The following EXOC4 variants were observed in gnomAD, a reference collection of about 807,000 sequenced individuals.
The protein encoded by EXOC4 is exocyst complex component 4.
In EXOC4, 71 loss-of-function variants were observed where a neutral mutation model predicts 107.2. The observed-to-expected ratio is 0.66, with a 90% CI of 0.55 to 0.81. The LOEUF (loss-of-function observed/expected upper bound fraction) is 0.81. Among genes scored for constraint, EXOC4 ranks in the 30% least tolerant of loss-of-function variants. EXOC4 has a pLI of 0.00. For missense variants in EXOC4, 1,108 were observed against 1,189.6 expected (o/e 0.93, Z 1.01); for synonymous variants, 456 against 441.2 (o/e 1.03, Z -0.42).
chr7:133,824,185 T>C (rs1361951110), intron 11 of EXOC4, among the ~76,000 whole-genome samples: 1 of 150,960 alleles, frequency 6.6e-6, no homozygotes, highest in East Asian at 2.0e-4. Context: ...TTAAATGGAG[T>C]AATGGGTGTA....
rs1803238088 is a variant in EXOC4, at chr7:133,654,458, T to C, written c.1514+24317T>C. Among the ~76,000 whole-genome samples the C allele has an allele frequency of 2.6e-5, 4 of 152,192 alleles. 1 individual carries two copies. ...AGAATTGTACTTGAAACACAAGTGT[T>C]GTTAAATGATATTGGTACAGGTGGT... On this transcript the variant is annotated intron_variant, in intron 10 of 17. Transcript: ENST00000253861.
At chr7:133,566,507 G>A (rs1357705918) in intron 9 of EXOC4, among the ~76,000 whole-genome samples, 3 of 152,098 alleles carry the variant, frequency 2.0e-5, no homozygotes, top group Non-Finnish European at 2.9e-5. Flanking sequence ...CAATTTAGTG[G>A]GTAAATTGTT....
Position 134,033,737 on chromosome 7 carries a change from A to G in EXOC4, c.2687+25902A>G, listed in dbSNP as rs574364199. On this transcript the variant is annotated intron_variant, in intron 17 of 17. Transcript: ENST00000253861. ...GAAGAAATAGCCTCACCTAAAACAC[A>G]GCCTCATGAATTTTCAGAATGCCAA... Among the ~76,000 whole-genome samples the G allele has an allele frequency of 3.8e-3, 580 of 152,326 alleles. 4 individuals carry two copies. Among genetic ancestry groups the G allele is most frequent in the Non-Finnish European group, 6.2e-3 (423 of 68,028 alleles).
At chr7:133,411,512 C>T (rs757251376) in intron 7 of EXOC4, among the ~76,000 whole-genome samples, 105 of 152,072 alleles carry the variant, frequency 6.9e-4, no homozygotes, top group Non-Finnish European at 1.2e-3. Context: ...GTCATTTATG[C>T]GTTGAAAAGA....
intron 10 of EXOC4, among the ~76,000 whole-genome samples, chr7:133,749,742 A>C (rs1795752037): frequency 2.0e-5 from 3 of 152,152 alleles, no homozygotes; most frequent in Non-Finnish European, 4.4e-5. Flanking sequence ...AATCTTGTTA[A>C]ACTTCAAAGG....
intron 11 of EXOC4, among the ~76,000 whole-genome samples, chr7:133,844,378 CTTTTTTTTTTTTTTTTTT>C (rs761535651): frequency 2.4e-5 from 2 of 83,346 alleles, no homozygotes; most frequent in South Asian, 4.4e-4. Flanking sequence ...CCACATATTC[CTTTTTTTTTTTTTTTTTT>C]TTTTTTTTTT....
At chr7:133,885,014 G>T (rs1189786694) in intron 11 of EXOC4, among the ~76,000 whole-genome samples, 8 of 152,046 alleles carry the variant, frequency 5.3e-5, no homozygotes, top group African/African-American at 1.9e-4. Context: ...AGAACCATGG[G>T]AATTAAGATA....
At chr7:133,588,574 T>G (rs1215134381) in intron 9 of EXOC4, among the ~76,000 whole-genome samples, 1 of 152,156 alleles carries the variant, frequency 6.6e-6, no homozygotes, top group Non-Finnish European at 1.5e-5. Flanking sequence ...TTCAGCTTTT[T>G]GGGTGTAATT....
chr7:133,735,348 G>A (rs2151121953), intron 10 of EXOC4, among the ~76,000 whole-genome samples: 1 of 150,488 alleles, frequency 6.6e-6, no homozygotes, highest in East Asian at 2.0e-4. Context: ...TAAAGCAGCT[G>A]GGATCTGACT....
intron 17 of EXOC4, among the ~76,000 whole-genome samples, chr7:134,059,143 A>C (rs768724775): frequency 8.5e-5 from 13 of 152,178 alleles, no homozygotes; most frequent in Non-Finnish European, 1.0e-4. Context: ...TCACCCCTAC[A>C]GGCAAAGTTT....
At chr7:133,671,252 C>T (rs561844426) in intron 10 of EXOC4, among the ~76,000 whole-genome samples, 31 of 152,264 alleles carry the variant, frequency 2.0e-4, no homozygotes, top group South Asian at 4.1e-4. Context: ...CTGTCATAAT[C>T]TGCTTTCACC....
At chr7:133,277,022 C>T (rs996801874) in intron 2 of EXOC4, among the ~76,000 whole-genome samples, 6 of 151,320 alleles carry the variant, frequency 4.0e-5, no homozygotes, top group South Asian at 4.2e-4. Flanking sequence ...AGTGCAATGG[C>T]GCGATCTAAG....
the EXOC4 span, among the ~76,000 whole-genome samples, chr7:134,075,047 G>A: frequency 6.6e-6 from 1 of 152,172 alleles, no homozygotes; most frequent in South Asian, 2.1e-4. Flanking sequence ...GAAAACTCAG[G>A]AGTATGAGGA....
chr7:133,853,736 C>T lies in EXOC4; in HGVS notation c.1734+36192C>T, dbSNP rs75137570. Among the ~76,000 whole-genome samples the T allele has an allele frequency of 2.4e-3, 372 of 152,260 alleles. 2 individuals are homozygous for T. Among genetic ancestry groups the T allele is most frequent in the African/African-American group, 8.6e-3 (358 of 41,556 alleles). On this transcript the variant is annotated intron_variant, in intron 11 of 17. Coordinates refer to ENST00000253861, the MANE Select transcript of EXOC4 (RefSeq NM_021807.4). ...AGCCAGTGTTTATTGAGCCCTTCCC[C>T]ATGCTCATGTTTGTATTCATCTCTG...
chr7:133,877,859 C>A (rs1798883325), intron 11 of EXOC4, among the ~76,000 whole-genome samples: 1 of 152,194 alleles, frequency 6.6e-6, no homozygotes, highest in Admixed American at 6.5e-5. Flanking sequence ...CTGCCTTGGT[C>A]TTCCAAAACT....
chr7:134,030,817 G>C (rs1186076316), intron 17 of EXOC4, among the ~76,000 whole-genome samples: 2 of 151,794 alleles, frequency 1.3e-5, no homozygotes, highest in African/African-American at 4.8e-5. Context: ...TTTGCTGTCA[G>C]GCTCCCAATA....
chr7:134,079,404 ATT>A, the EXOC4 span, among the ~76,000 whole-genome samples: 1 of 151,184 alleles, frequency 6.6e-6, no homozygotes, highest in Non-Finnish European at 1.5e-5. Flanking sequence ...AGGTTTACTT[ATT>A]TTTTTTTAAG....
intron 9 of EXOC4, among the ~76,000 whole-genome samples, chr7:133,618,872 A>G (rs968241730): frequency 6.6e-6 from 1 of 152,212 alleles, no homozygotes; most frequent in African/African-American, 2.4e-5. Flanking sequence ...GTAATATTAT[A>G]TATCATAATA....
chr7:133,948,779 AG>A (rs1223438052), intron 14 of EXOC4, among the ~76,000 whole-genome samples: 1 of 152,194 alleles, frequency 6.6e-6, no homozygotes, highest in African/African-American at 2.4e-5. Flanking sequence ...GAAATGCAAA[AG>A]TTTGGCAGTT....
Sources: gnomAD v4.1 joint callset for allele counts (sites outside exome capture counted in the v4.1 genomes callset) on GRCh38, gnomAD v4.1.1 for gene constraint, MANE v1.5 for transcripts, NCBI Gene and HGNC (gene_info 2026-07-23, HGNC 2026-07-21) for gene names.